The following ZNF705B variants were observed in gnomAD, a reference collection of about 807,000 sequenced individuals.
ZNF705B encodes Putative zinc finger protein 705D-like protein LOC100132396.
A neutral mutation model predicts 10.5 loss-of-function variants in ZNF705B; 1 was observed. The observed-to-expected ratio is 0.10, with a 90% CI of 0.03 to 0.45. ZNF705B has a LOEUF of 0.45. ZNF705B is among the 20% of genes least tolerant of loss of function. The pLI, the probability that ZNF705B is intolerant of heterozygous loss-of-function variation, is 0.97. For missense variants in ZNF705B, 14 were observed against 84.0 expected (o/e 0.17, Z 3.26); for synonymous variants, 4 against 25.4 (o/e 0.16, Z 2.53).
chr8:7,930,848 T>A (rs1239980180), intron 2 of ZNF705B, among the ~76,000 whole-genome samples: 2 of 100,748 alleles, frequency 2.0e-5, no homozygotes, highest in African/African-American at 5.5e-5. Flanking sequence ...TTTTTTTTGT[T>A]TTTTTTTTTG....
At chr8:7,936,520 G>A (rs1820018882) in intron 2 of ZNF705B, among the ~76,000 whole-genome samples, 1 of 119,406 alleles carries the variant, frequency 8.4e-6, no homozygotes, top group African/African-American at 2.6e-5. Flanking sequence ...GTACATATAT[G>A]TCACGGAATA....
rs546028690 is a variant in ZNF705B, at chr8:7,932,287, A to G, written c.-72+1851A>G. Among the ~76,000 whole-genome samples, 328 of 120,472 alleles carry G rather than the reference A, an allele frequency of 2.7e-3. 39 individuals carry two copies. Among genetic ancestry groups the G allele is most frequent in the Admixed American group, 8.4e-3 (89 of 10,550 alleles). The allele number at this position is 120,472 out of a possible 152,430, so 79.0% of individuals were successfully genotyped here. ...CTGATTCTGGCTGGGCTGCTGCTTC[A>G]TTTTCCTTTCCTTCCATGCCTCAGA... On this transcript the variant is annotated intron_variant, in intron 2 of 6. Coordinates refer to ENST00000400120, the MANE Select transcript of ZNF705B (RefSeq NM_001193630.1).
At chr8:7,940,394 C>A (rs1328392357) in intron 2 of ZNF705B, among the ~76,000 whole-genome samples, 1 of 140,748 alleles carries the variant, frequency 7.1e-6, no homozygotes, top group Non-Finnish European at 1.6e-5. Context: ...ATATCCTTCA[C>A]CTCCCTAAGT....
intron 1 of ZNF705B, among the ~76,000 whole-genome samples, chr8:7,930,071 A>T (rs1819799994): frequency 1.9e-5 from 2 of 106,436 alleles, no homozygotes; most frequent in South Asian, 7.0e-4. Context: ...GGTTTGGAGT[A>T]TGGATCTCAT....
Position 7,926,388 on chromosome 8 carries a change from C to G in ZNF705B, c.-231C>G, listed in dbSNP as rs550529447. ...CACAGCCTGTGGAGGGTGGAGGAAC[C>G]AACTGCAAGGTGGGTTTCCAGTAGG... is the stretch of plus-strand genomic sequence containing the variant. On this transcript the variant is annotated 5_prime_UTR_variant, in exon 1 of 7. Coordinates refer to ENST00000400120, the MANE Select transcript of ZNF705B (RefSeq NM_001193630.1). The G allele has an allele frequency of 4.2e-5, 5 of 118,554 alleles. No homozygotes were observed. In the East Asian group the frequency reaches 9.7e-4, roughly 23 times the overall value. 7.3% of individuals were successfully genotyped at this position (118,554 alleles called of 1,614,324 possible). A position where few individuals can be genotyped will look rare whatever the true frequency, so the allele number is the denominator to read the frequency against.
chr8:7,940,934 G>T (rs1220680178), intron 2 of ZNF705B, among the ~76,000 whole-genome samples: 3 of 148,590 alleles, frequency 2.0e-5, no homozygotes, highest in Admixed American at 6.7e-5. Context: ...GTTAGAACGT[G>T]CAGTGCTTGG....
chr8:7,929,733 TTGAG>T (rs1262098821), intron 1 of ZNF705B, among the ~76,000 whole-genome samples: 1 of 115,072 alleles, frequency 8.7e-6, no homozygotes, highest in Non-Finnish European at 2.1e-5. Flanking sequence ...GTGATTTACT[TTGAG>T]TGGAGTCATT....
chr8:7,928,027 G>T (rs1406499480), intron 1 of ZNF705B, among the ~76,000 whole-genome samples: 1 of 130,252 alleles, frequency 7.7e-6, no homozygotes, highest in Non-Finnish European at 1.8e-5. Flanking sequence ...AATATAAACA[G>T]GGTGGCTTAT....
In ZNF705B at chr8:7,932,922, A is replaced by G. The variant is rs1256598653; in HGVS notation, c.-72+2486A>G. On this transcript the variant is annotated intron_variant, in intron 2 of 6. Coordinates refer to ENST00000400120, the MANE Select transcript of ZNF705B (RefSeq NM_001193630.1). ...TGTGTCTAAATGGAGGAAAATTGTGACAGGTGGTAAAAGCACTCAGTGGCT... is the reference window on the plus strand; with the variant it reads ...TGTGTCTAAATGGAGGAAAATTGTGGCAGGTGGTAAAAGCACTCAGTGGCT... Among the ~76,000 whole-genome samples the G allele has an allele frequency of 2.8e-5, 3 of 107,008 alleles. 1 individual carries two copies. Among genetic ancestry groups the G allele is most frequent in the African/African-American group, 7.9e-5 (3 of 37,742 alleles). The allele number at this position is 107,008 out of a possible 152,430, so 70.2% of individuals were successfully genotyped here. A position where few individuals can be genotyped will look rare whatever the true frequency, so the allele number is the denominator to read the frequency against.
chr8:7,938,988 AATG>A (rs1238845029), intron 2 of ZNF705B, among the ~76,000 whole-genome samples: 9 of 54,296 alleles, frequency 1.7e-4, no homozygotes, highest in African/African-American at 5.0e-4. Context: ...AGTTCATTAG[AATG>A]ATGTGGGTGC....
intron 1 of ZNF705B, among the ~76,000 whole-genome samples, chr8:7,929,552 CT>C (rs1819784973): frequency 8.1e-6 from 1 of 123,158 alleles, no homozygotes; most frequent in South Asian, 2.7e-4. Flanking sequence ...ATTGTGAAGA[CT>C]TTCTATTTGA....
At chr8:7,930,020 C>G (rs1365149889) in intron 1 of ZNF705B, among the ~76,000 whole-genome samples, 1 of 101,886 alleles carries the variant, frequency 9.8e-6, no homozygotes, top group Non-Finnish European at 2.3e-5. Context: ...ACAGTAGGTA[C>G]ATGCGCAGAT....
At position 7,941,058 on chromosome 8, in the gene ZNF705B, A is replaced by G. The variant is rs535518553; in HGVS notation, c.-71-6293A>G. Among the ~76,000 whole-genome samples, 448 of 149,444 alleles carry G rather than the reference A, an allele frequency of 3.0e-3. 6 individuals are homozygous for G. The highest frequency in any genetic ancestry group is 0.01 in the African/African-American group (422 of 41,044). ...GGCTGCATAGTATTCCATGGTGTAT[A>G]CGTACCACATTTTCTTTATCCAGTC... On this transcript the variant is annotated intron_variant, in intron 2 of 6. Transcript: ENST00000400120.
At chr8:7,932,783 T>C (rs1179358648) in intron 2 of ZNF705B, among the ~76,000 whole-genome samples, 3 of 113,376 alleles carry the variant, frequency 2.6e-5, no homozygotes, top group Non-Finnish European at 6.3e-5. Context: ...GCTAACATAC[T>C]TTTAAATATC....
At chr8:7,928,082 C>A (rs1223612760) in intron 1 of ZNF705B, among the ~76,000 whole-genome samples, 7 of 119,832 alleles carry the variant, frequency 5.8e-5, no homozygotes, top group Non-Finnish European at 1.4e-4. Flanking sequence ...GTTGGAAGTC[C>A]AAGATCAAGA....
At chr8:7,931,250 G>A (rs1315694263) in intron 2 of ZNF705B, among the ~76,000 whole-genome samples, 1 of 121,080 alleles carries the variant, frequency 8.3e-6, no homozygotes, top group Admixed American at 9.4e-5. Context: ...GTCATAGCAG[G>A]TCAACTCTCG....
At chr8:7,928,749 C>A (rs867696167) in intron 1 of ZNF705B, among the ~76,000 whole-genome samples, 101 of 52,312 alleles carry the variant, frequency 1.9e-3, no homozygotes, top group Non-Finnish European at 2.1e-3. Flanking sequence ...AACCAGGTAG[C>A]AAAAAAAAAA....
At position 7,944,752 on chromosome 8, in the gene ZNF705B, C is replaced by T. The variant is rs1334418636; in HGVS notation, c.-71-2599C>T. 2.4e-3 allele frequency among the ~76,000 whole-genome samples: 211 copies of T among 89,332 alleles called. 12 individuals are homozygous for T. Among genetic ancestry groups the T allele is most frequent in the African/African-American group, 7.2e-3 (201 of 27,990 alleles). 58.6% of individuals were successfully genotyped at this position (89,332 alleles called of 152,430 possible). ...TTGAGAGGCGGAGACTGGCGGATCA[C>T]CTGAGGTCAGGAGTTCTAGACCAGC... On this transcript the variant is annotated intron_variant, in intron 2 of 6. Transcript: ENST00000400120.
In ZNF705B at chr8:7,930,286, G is replaced by T. The variant is rs575704896; in HGVS notation, c.-221-1G>T. ...CCAGCTGAATTCAAACTCATTCCCA[G>T]ATCACTTGTCCTCCTCAATTGATGT... is the stretch of plus-strand genomic sequence containing the variant. On this transcript the variant is annotated splice_acceptor_variant, in intron 1 of 6. Transcript: ENST00000400120. LOFTEE classifies it low-confidence loss of function (5UTR_SPLICE). The T allele has an allele frequency of 9.5e-6, 1 of 105,168 alleles. No individual in the cohort carries two copies. Among genetic ancestry groups the T allele is most frequent in the African/African-American group, 2.7e-5 (1 of 36,542 alleles). The allele number at this position is 105,168 out of a possible 1,614,324, so 6.5% of individuals were successfully genotyped here.
Sources: gnomAD v4.1 joint callset for allele counts (sites outside exome capture counted in the v4.1 genomes callset) on GRCh38, gnomAD v4.1.1 for gene constraint, MANE v1.5 for transcripts, NCBI Gene and HGNC (gene_info 2026-07-23, HGNC 2026-07-21) for gene names.